Variants in EIF4G3 observed in about 807,000 individuals in gnomAD.
EIF4G3 encodes eukaryotic translation initiation factor 4 gamma 3, also known as eIF-4-gamma 3.
A neutral mutation model predicts 186.4 loss-of-function variants in EIF4G3; 34 were observed. That is an observed-to-expected ratio of 0.18 (90% CI 0.14 to 0.24). EIF4G3 has a LOEUF of 0.24. Among genes scored for constraint, EIF4G3 ranks in the 10% least tolerant of loss-of-function variants. The probability of loss-of-function intolerance (pLI) is 1.00; values close to 1 mark genes in which losing one functional copy is unlikely to be tolerated. For synonymous variants in EIF4G3, 673 were observed against 679.5 expected (o/e 0.99, Z 0.15); for missense variants, 1,536 against 1,948.5 (o/e 0.79, Z 3.99).
At chr1:21,156,865 A>G (rs1395009442) in intron 2 of EIF4G3, among the ~76,000 whole-genome samples, 1 of 152,070 alleles carries the variant, frequency 6.6e-6, no homozygotes, top group Non-Finnish European at 1.5e-5. Context: ...GCTTGAGCCC[A>G]GGAGTTCAAG....
chr1:20,849,253 G>T (rs2072427171), intron 29 of EIF4G3, among the ~76,000 whole-genome samples, 162 bp downstream of exon 29: 1 of 151,998 alleles, frequency 6.6e-6, no homozygotes, highest in African/African-American at 2.4e-5. Flanking sequence ...AGAGTACTTG[G>T]CAGAAATGCA....
intron 18 of EIF4G3, among the ~76,000 whole-genome samples, chr1:20,887,296 A>G (rs1029427744): frequency 2.0e-5 from 3 of 152,088 alleles, no homozygotes; most frequent in Non-Finnish European, 4.4e-5. Context: ...CTTCATACAA[A>G]GCACACATAG....
intron 28 of EIF4G3, among the ~76,000 whole-genome samples, chr1:20,851,011 ACAG>A (rs2073116367): frequency 6.6e-6 from 1 of 152,210 alleles, no homozygotes; most frequent in Non-Finnish European, 1.5e-5. Context: ...TGCTTAAAAT[ACAG>A]CAGGAGGACC....
intron 7 of EIF4G3, among the ~76,000 whole-genome samples, chr1:20,985,470 C>A (rs1056656362): frequency 1.3e-5 from 2 of 150,706 alleles, no homozygotes; most frequent in South Asian, 4.2e-4. Flanking sequence ...CACACACACA[C>A]GTGCACCAGA....
chr1:20,823,210 C>G (rs1002982566), intron 33 of EIF4G3, among the ~76,000 whole-genome samples: 1 of 152,012 alleles, frequency 6.6e-6, no homozygotes, highest in Non-Finnish European at 1.5e-5. Flanking sequence ...AAGTCTCAGC[C>G]ACTGTCTCTT....
chr1:20,807,848 T>C (rs1470359910), intron 36 of EIF4G3, among the ~76,000 whole-genome samples: 2 of 135,486 alleles, frequency 1.5e-5, no homozygotes, highest in African/African-American at 5.4e-5. Context: ...CTGCAACCTC[T>C]ACCTCCTGGG....
chr1:21,074,467 T>C (rs1006269682), intron 3 of EIF4G3, among the ~76,000 whole-genome samples: 1 of 152,210 alleles, frequency 6.6e-6, no homozygotes, highest in South Asian at 2.1e-4. Flanking sequence ...TTTAAATTTA[T>C]CAAATACAAA....
At chr1:20,905,494 A>G (rs2091807747) in intron 14 of EIF4G3, among the ~76,000 whole-genome samples, 1 of 152,260 alleles carries the variant, frequency 6.6e-6, no homozygotes, top group African/African-American at 2.4e-5. Context: ...TTAGATAGGC[A>G]GCATTTCTGA....
chr1:20,956,446 T>A (rs1209385701), intron 12 of EIF4G3, among the ~76,000 whole-genome samples: 1 of 152,066 alleles, frequency 6.6e-6, no homozygotes, highest in Non-Finnish European at 1.5e-5. Flanking sequence ...AAGTTCCTGT[T>A]GTCTAAGGAG....
intron 34 of EIF4G3, 80 bp from the exon 35 acceptor site, chr1:20,813,319 T>TG: frequency 4.0e-6 from 4 of 1,001,232 alleles, no homozygotes; most frequent in Non-Finnish European, 6.1e-6. Context: ...ATCCCAACAC[T>TG]TTGGGAGGCC....
At chr1:21,088,000 G>A (rs917910145) in intron 3 of EIF4G3, among the ~76,000 whole-genome samples, 3 of 152,092 alleles carry the variant, frequency 2.0e-5, no homozygotes, top group African/African-American at 7.2e-5. Flanking sequence ...GGAGGCTGAG[G>A]CAGGAGGATA....
intron 2 of EIF4G3, among the ~76,000 whole-genome samples, chr1:21,094,114 T>C (rs1490979159): frequency 6.6e-6 from 1 of 151,662 alleles, no homozygotes; most frequent in Non-Finnish European, 1.5e-5. Flanking sequence ...AAAAAATTTT[T>C]TTTTTTTTTT....
chr1:20,964,746 G>A (rs996218472), intron 12 of EIF4G3, among the ~76,000 whole-genome samples: 1 of 152,158 alleles, frequency 6.6e-6, no homozygotes, highest in South Asian at 2.1e-4. Context: ...GAAAGAGGCC[G>A]TTTGTTCCTC....
At chr1:21,095,998 A>T (rs964703741) in intron 2 of EIF4G3, among the ~76,000 whole-genome samples, 2 of 152,222 alleles carry the variant, frequency 1.3e-5, no homozygotes, top group African/African-American at 4.8e-5. Flanking sequence ...CAACAGACTA[A>T]TATGCTTTAA....
intron 23 of EIF4G3, among the ~76,000 whole-genome samples, chr1:20,861,104 T>C (rs2076217745): frequency 6.6e-6 from 1 of 152,352 alleles, no homozygotes; most frequent in Non-Finnish European, 1.5e-5. Flanking sequence ...TCCCTTCTCT[T>C]TCTAGCAACA....
chr1:20,877,514 C>G (rs1558038879), intron 20 of EIF4G3, among the ~76,000 whole-genome samples: 1 of 152,130 alleles, frequency 6.6e-6, no homozygotes, highest in Admixed American at 6.5e-5. Context: ...TATATAAAGC[C>G]TCTATCCATA....
rs1463046949 is a variant in EIF4G3 at position 20,942,330 on chromosome 1, T to C, written c.824A>G (p.Glu275Gly). 1.3e-6 allele frequency: 2 copies of C among 1,550,236 alleles called. No homozygotes were observed. The highest frequency in any genetic ancestry group is 1.7e-6 in the Non-Finnish European group (2 of 1,154,068). ...PVTAASDQKQ[E>G]EKPKPDPVLK... The stretch of plus-strand genomic sequence containing the variant: ...CACTGGATCTGGTTTTGGCTTCTCC[T>C]CTGGGGAAAAAAAAATAAGTTTTAA... The change falls in exon 14 of 37, where the codon GAG becomes GGG. Residue 275 changes from glutamate to glycine, a missense_variant and splice_region_variant. This residue lies in a region of EIF4G3 where 560 missense variants were observed against 547.8 expected (regional missense o/e 1.02). Coordinates refer to ENST00000602326, the MANE Select transcript of EIF4G3 (RefSeq NM_001391906.1).
At chr1:21,013,848 A>G (rs982404404) in intron 4 of EIF4G3, among the ~76,000 whole-genome samples, 5 of 152,226 alleles carry the variant, frequency 3.3e-5, no homozygotes, top group Non-Finnish European at 7.3e-5. Context: ...TGGCTATTTA[A>G]GTGCTCGACT....
chr1:20,965,072 AT>A (rs2074313580), intron 12 of EIF4G3, among the ~76,000 whole-genome samples: 1 of 152,106 alleles, frequency 6.6e-6, no homozygotes, highest in Non-Finnish European at 1.5e-5. Context: ...TGTTTCATGC[AT>A]TTTGGTTTCA....
Sources: allele counts gnomAD v4.1 joint callset (sites outside exome capture counted in the v4.1 genomes callset), GRCh38; gene constraint gnomAD v4.1.1; regional missense constraint gnomAD v4.1.1; transcripts MANE v1.5; gene names NCBI Gene and HGNC (gene_info 2026-07-23, HGNC 2026-07-21).